NRXN1: variants seen among roughly 807,000 people sequenced by gnomAD.
NRXN1 encodes the protein neurexin-1.
NRXN1 carries 39 observed loss-of-function variants against 150.9 expected under a neutral mutation model. The observed-to-expected ratio is 0.26, with a 90% CI of 0.20 to 0.34. The LOEUF is 0.34. NRXN1 is among the 10% of genes least tolerant of loss of function. NRXN1 has a pLI of 1.00. For missense variants in NRXN1, 1,815 were observed against 1,949.9 expected, an observed-to-expected ratio of 0.93 and a Z score of 1.30; for synonymous variants, 924 against 757.0, an observed-to-expected ratio of 1.22 and a Z score of -3.62.
intron 18 of NRXN1, among the ~76,000 whole-genome samples, chr2:50,098,857 T>G (rs6751265): frequency 3.9e-4 from 11 of 27,942 alleles, no homozygotes; most frequent in African/African-American, 1.7e-3. Context: ...TTTTTTTTTT[T>G]TTTTTTTTTT....
chr2:49,976,772 C>T (rs1226410636), intron 21 of NRXN1, among the ~76,000 whole-genome samples: 1 of 152,134 alleles, frequency 6.6e-6, no homozygotes, highest in Non-Finnish European at 1.5e-5. Flanking sequence ...AAGAGCTTTA[C>T]AATTTAGAGT....
At chr2:50,706,855 T>A (rs1694516462) in intron 5 of NRXN1, among the ~76,000 whole-genome samples, 1 of 152,048 alleles carries the variant, frequency 6.6e-6, no homozygotes, top group South Asian at 2.1e-4. Flanking sequence ...TCTGAAACAT[T>A]TCCCATTTCA....
At chr2:49,944,063 A>G (rs1672466728) in intron 21 of NRXN1, among the ~76,000 whole-genome samples, 2 of 152,248 alleles carry the variant, frequency 1.3e-5, no homozygotes, top group Admixed American at 1.3e-4. Context: ...TAGAAGCTGC[A>G]CACAGTATCA....
chr2:50,228,921 G>C (rs1379245277), intron 18 of NRXN1, among the ~76,000 whole-genome samples: 1 of 151,928 alleles, frequency 6.6e-6, no homozygotes, highest in East Asian at 1.9e-4. Context: ...GAGGAGGAGA[G>C]AGGCCTCCTC....
chr2:50,927,250 G>A (rs907879008), intron 2 of NRXN1, among the ~76,000 whole-genome samples: 2 of 151,958 alleles, frequency 1.3e-5, no homozygotes, highest in African/African-American at 2.4e-5. Context: ...AGTTACTAGT[G>A]AATTAAAAAT....
At chr2:49,946,132 C>T (rs1184551139) in intron 21 of NRXN1, among the ~76,000 whole-genome samples, 1 of 152,070 alleles carries the variant, frequency 6.6e-6, no homozygotes, top group East Asian at 1.9e-4. Context: ...GCTCTGATGA[C>T]CAGTGATGAT....
intron 17 of NRXN1, among the ~76,000 whole-genome samples, chr2:50,248,500 C>T (rs1407920729): frequency 6.6e-6 from 1 of 152,046 alleles, no homozygotes; most frequent in East Asian, 1.9e-4. Context: ...ACGCAGAGCT[C>T]TTTGTAAATA....
intron 3 of NRXN1, among the ~76,000 whole-genome samples, chr2:50,924,530 T>C (rs746421428): frequency 1.1e-4 from 17 of 151,660 alleles, no homozygotes; most frequent in Non-Finnish European, 2.1e-4. Flanking sequence ...GTTGAAAAGA[T>C]ACCTCTAAAA....
chr2:50,221,919 CTGTT>C (rs1178033576), intron 18 of NRXN1, among the ~76,000 whole-genome samples: 1 of 151,938 alleles, frequency 6.6e-6, no homozygotes, highest in African/African-American at 2.4e-5. Context: ...TGTTGCTACT[CTGTT>C]TGTTATATTA....
intron 15 of NRXN1, among the ~76,000 whole-genome samples, chr2:50,482,004 G>A: frequency 1.5e-5 from 2 of 137,106 alleles, no homozygotes; most frequent in African/African-American, 7.2e-5. Flanking sequence ...TCCTGACCTC[G>A]TGATCCGCCC....
At chr2:50,270,254 C>T (rs2056348) in intron 17 of NRXN1, among the ~76,000 whole-genome samples, 62,486 of 151,970 alleles carry the variant, frequency 0.41, 13,080 homozygotes, top group Middle Eastern at 0.46. Flanking sequence ...TAAAATTCAA[C>T]CTACCATCAT....
In NRXN1 at chr2:50,590,749, G is replaced by A. The variant is rs74681305; in HGVS notation, c.1320+29273C>T. Among the ~76,000 whole-genome samples, 886 of 152,164 alleles carry A rather than the reference G, an allele frequency of 5.8e-3. 8 individuals are homozygous for A. Among genetic ancestry groups the A allele is most frequent in the African/African-American group, 0.02 (840 of 41,496 alleles). ...TGGACGATCATGAATCAGAAAATGG[G>A]CCCTCACCAGACACTGAATCTTCCA... On this transcript the variant is annotated intron_variant, in intron 8 of 22. Coordinates refer to ENST00000401669, the MANE Select transcript of NRXN1 (RefSeq NM_001330078.2).
chr2:50,111,566 G>A (rs1385226254), intron 18 of NRXN1, among the ~76,000 whole-genome samples: 2 of 152,018 alleles, frequency 1.3e-5, no homozygotes, highest in East Asian at 3.9e-4. Context: ...TATAGCCTGT[G>A]AGGCAGAGGT....
chr2:50,663,658 G>GT (rs1687620897), intron 5 of NRXN1, among the ~76,000 whole-genome samples: 1 of 152,012 alleles, frequency 6.6e-6, no homozygotes, highest in Non-Finnish European at 1.5e-5. Flanking sequence ...AATTAATGTA[G>GT]TAAAGGTAAT....
At position 50,375,923 on chromosome 2, in the gene NRXN1, A is replaced by C. The variant is rs2080454828; in HGVS notation, c.3364+89519T>G. ...TAAATACAACCCCTTCACAGATAAT[A>C]ATAAAGAAATAAGCCAATAAGCCCT... is the stretch of plus-strand genomic sequence containing the variant. On this transcript the variant is annotated intron_variant, in intron 17 of 22. Coordinates refer to ENST00000401669, the MANE Select transcript of NRXN1 (RefSeq NM_001330078.2). Among the ~76,000 whole-genome samples, 2 of 151,940 alleles carry C rather than the reference A, an allele frequency of 1.3e-5. 1 individual carries two copies. Among genetic ancestry groups the C allele is most frequent in the South Asian group, 4.1e-4 (2 of 4,820 alleles).
At chr2:50,910,689 T>C (rs1039814264) in intron 5 of NRXN1, among the ~76,000 whole-genome samples, 14 of 152,048 alleles carry the variant, frequency 9.2e-5, no homozygotes, top group East Asian at 1.9e-4. Context: ...AACTTTATAA[T>C]AGAGGTAAAT....
chr2:50,302,912 GCCATCCATCCATCCATCCAT>G (rs10540394), intron 17 of NRXN1, among the ~76,000 whole-genome samples: 1 of 151,390 alleles, frequency 6.6e-6, no homozygotes, highest in African/African-American at 2.4e-5. Context: ...AGTCTACCAG[GCCATCCATCCATCCATCCAT>G]CCATCCACCC....
intron 19 of NRXN1, among the ~76,000 whole-genome samples, chr2:50,069,919 T>C (rs1463947221): frequency 2.0e-5 from 3 of 150,572 alleles, no homozygotes; most frequent in Non-Finnish European, 3.0e-5. Flanking sequence ...GGTGCGATCT[T>C]GGCTCACTGC....
intron 5 of NRXN1, among the ~76,000 whole-genome samples, chr2:50,795,960 G>A (rs560866012): frequency 6.6e-5 from 10 of 151,842 alleles, no homozygotes; most frequent in East Asian, 1.9e-4. Flanking sequence ...ATTTCATCAC[G>A]CAATGACCCA....
Sources: allele counts gnomAD v4.1 joint callset (sites outside exome capture counted in the v4.1 genomes callset), GRCh38; gene constraint gnomAD v4.1.1; transcripts MANE v1.5; gene names NCBI Gene and HGNC (gene_info 2026-07-23, HGNC 2026-07-21).